GALNTL6: variants seen among roughly 807,000 people sequenced by gnomAD.
GALNTL6 encodes the protein polypeptide N-acetylgalactosaminyltransferase like 6, also known as polypeptide N-acetylgalactosaminyltransferase-like 6.
A neutral mutation model predicts 73.7 loss-of-function variants in GALNTL6; 46 were observed. The ratio of observed to expected loss-of-function variants is 0.62; its 90% CI spans 0.49 to 0.80. GALNTL6 has a LOEUF of 0.80. Ranked by LOEUF, GALNTL6 falls within the 30% of genes least tolerant of loss-of-function variation. The pLI, the probability that GALNTL6 is intolerant of heterozygous loss-of-function variation, is 0.00. For missense variants in GALNTL6, 604 were observed against 755.0 expected (o/e 0.80, Z 2.34); for synonymous variants, 259 against 263.7 (o/e 0.98, Z 0.17).
intron 2 of GALNTL6, among the ~76,000 whole-genome samples, chr4:172,165,704 A>G (rs1038947797): frequency 2.6e-5 from 4 of 152,230 alleles, no homozygotes; most frequent in Non-Finnish European, 5.9e-5. Flanking sequence ...AAAAATTCAA[A>G]TACCCATGGG....
intron 5 of GALNTL6, among the ~76,000 whole-genome samples, chr4:172,550,520 T>C (rs565541329): frequency 1.2e-4 from 18 of 152,358 alleles, no homozygotes; most frequent in East Asian, 1.2e-3. Context: ...CTTTTTACCA[T>C]TGATGTGAAG....
intron 3 of GALNTL6, among the ~76,000 whole-genome samples, chr4:172,282,138 G>A (rs777803592): frequency 7.9e-5 from 12 of 152,016 alleles, no homozygotes; most frequent in Non-Finnish European, 1.5e-4. Context: ...CAACTGACAC[G>A]GGGACTTATT....
chr4:173,018,891 T>C (rs1351655592), intron 11 of GALNTL6, among the ~76,000 whole-genome samples: 2 of 152,100 alleles, frequency 1.3e-5, no homozygotes, highest in Non-Finnish European at 2.9e-5. Context: ...TGTGAAAAGG[T>C]TGTGAGATTT....
intron 5 of GALNTL6, among the ~76,000 whole-genome samples, chr4:172,628,637 CA>C (rs1739262909): frequency 6.6e-6 from 1 of 151,918 alleles, no homozygotes; most frequent in Non-Finnish European, 1.5e-5. Context: ...TGCTGGCAAG[CA>C]GAGATGGTAT....
At chr4:172,202,687 T>C (rs909170948) in intron 2 of GALNTL6, among the ~76,000 whole-genome samples, 1 of 152,142 alleles carries the variant, frequency 6.6e-6, no homozygotes, top group Non-Finnish European at 1.5e-5. Flanking sequence ...GAATTGCAAA[T>C]ACTCAGTGCC....
At chr4:172,061,313 T>C (rs1731192852) in intron 2 of GALNTL6, among the ~76,000 whole-genome samples, 3 of 152,118 alleles carry the variant, frequency 2.0e-5, no homozygotes, top group Non-Finnish European at 4.4e-5. Context: ...TCTCCTTCTC[T>C]GGCAAGGGAG....
intron 4 of GALNTL6, among the ~76,000 whole-genome samples, chr4:172,331,714 A>G (rs2111182919): frequency 6.6e-6 from 1 of 152,250 alleles, no homozygotes; most frequent in South Asian, 2.1e-4. Flanking sequence ...CAGAATTTTC[A>G]TCTTTTTAAG....
rs1265849799 is a variant in GALNTL6 at position 172,452,444 on chromosome 4, C to A, written c.553+103755C>A. 3.3e-5 allele frequency among the ~76,000 whole-genome samples: 5 copies of A among 152,152 alleles called. 1 individual carries two copies. The highest frequency in any genetic ancestry group is 3.3e-4 in the Admixed American group (5 of 15,270). ...TTCCAGAGATACATTACTAACCCCT[C>A]TGGACCTCAGTGCTCTGTACTCTAA... is the stretch of plus-strand genomic sequence containing the variant. On this transcript the variant is annotated intron_variant, in intron 5 of 12. Coordinates refer to ENST00000506823, the MANE Select transcript of GALNTL6 (RefSeq NM_001034845.3).
intron 5 of GALNTL6, among the ~76,000 whole-genome samples, chr4:172,523,094 T>C (rs1436726344): frequency 1.3e-5 from 2 of 152,228 alleles, no homozygotes; most frequent in African/African-American, 4.8e-5. Flanking sequence ...TGGATTTGCA[T>C]AAATAGAATT....
intron 5 of GALNTL6, among the ~76,000 whole-genome samples, chr4:172,537,190 G>A (rs1157890941): frequency 6.6e-6 from 1 of 152,194 alleles, no homozygotes; most frequent in East Asian, 1.9e-4. Context: ...TGTTGGGAAG[G>A]CACGATTGTG....
chr4:172,180,973 T>C (rs991057844), intron 2 of GALNTL6, among the ~76,000 whole-genome samples: 2 of 152,198 alleles, frequency 1.3e-5, no homozygotes, highest in Admixed American at 6.5e-5. Flanking sequence ...AAATTTAAAG[T>C]AGTTTTTTTC....
At chr4:172,448,013 A>G (rs1387219793) in intron 5 of GALNTL6, among the ~76,000 whole-genome samples, 2 of 152,182 alleles carry the variant, frequency 1.3e-5, no homozygotes, top group African/African-American at 2.4e-5. Context: ...AGGATTTAAA[A>G]ATTGAGTTGA....
intron 7 of GALNTL6, among the ~76,000 whole-genome samples, chr4:172,859,817 T>C (rs1248312326): frequency 6.6e-6 from 1 of 152,138 alleles, no homozygotes; most frequent in Non-Finnish European, 1.5e-5. Context: ...AACCCTATTG[T>C]GAACTGCACA....
chr4:172,984,193 A>G (rs974164752), intron 10 of GALNTL6, among the ~76,000 whole-genome samples: 3 of 152,234 alleles, frequency 2.0e-5, no homozygotes, highest in Non-Finnish European at 2.9e-5. Context: ...TTGCTAATAC[A>G]GACATACTAG....
chr4:171,843,300 C>T (rs191289125), intron 2 of GALNTL6, among the ~76,000 whole-genome samples: 6 of 152,050 alleles, frequency 3.9e-5, no homozygotes, highest in Admixed American at 3.3e-4. Flanking sequence ...ACTATGAAGA[C>T]AATTCACATA....
chr4:172,961,554 CTG>C (rs1401056886), intron 10 of GALNTL6, among the ~76,000 whole-genome samples: 20 of 152,200 alleles, frequency 1.3e-4, no homozygotes, highest in Non-Finnish European at 2.4e-4. Context: ...TAAGGGAAGA[CTG>C]TCTTCCCAAG....
At chr4:172,418,040 G>A (rs1224541186) in intron 5 of GALNTL6, among the ~76,000 whole-genome samples, 1 of 152,084 alleles carries the variant, frequency 6.6e-6, no homozygotes, top group Non-Finnish European at 1.5e-5. Flanking sequence ...CTTCTGTGCT[G>A]AACATTTTGT....
At chr4:172,314,532 T>G (rs188593269) in intron 4 of GALNTL6, among the ~76,000 whole-genome samples, 125 of 151,982 alleles carry the variant, frequency 8.2e-4, no homozygotes, top group Admixed American at 2.9e-3. Context: ...TTTTGATATG[T>G]AGTGCACATT....
Position 172,609,625 on chromosome 4 carries a change from CTGTGTGTGTG to C in GALNTL6, c.554-199704_554-199695del, listed in dbSNP as rs35490374. ...TTTCTCTCTCTCTCTCTCTCTCTCTCTGTGTGTGTGTGTGTGTGTGTGTGTGTGTGTGTGT... is the reference window on the plus strand; with the variant it reads ...TTTCTCTCTCTCTCTCTCTCTCTCTCTGTGTGTGTGTGTGTGTGTGTGTGT... On this transcript the variant is annotated intron_variant, in intron 5 of 12. Transcript: ENST00000506823. 4.3e-5 allele frequency among the ~76,000 whole-genome samples: 4 copies of C among 92,774 alleles called. 1 individual carries two copies. The South Asian group carries it at 1.5e-3, about 36-fold the overall frequency. 60.9% of individuals were successfully genotyped at this position (92,774 alleles called of 152,430 possible).
Sources: allele counts gnomAD v4.1 joint callset (sites outside exome capture counted in the v4.1 genomes callset), GRCh38; gene constraint gnomAD v4.1.1; transcripts MANE v1.5; gene names NCBI Gene and HGNC (gene_info 2026-07-23, HGNC 2026-07-21).